The following HADHA variants were observed in gnomAD, a reference collection of about 807,000 sequenced individuals.
HADHA encodes the protein hydroxyacyl-CoA dehydrogenase trifunctional multienzyme complex subunit alpha.
A neutral mutation model predicts 91.3 loss-of-function variants in HADHA; 59 were observed. The observed-to-expected ratio is 0.65, with a 90% CI of 0.52 to 0.80. The LOEUF (loss-of-function observed/expected upper bound fraction) is 0.80, where lower values mean the gene tolerates loss of function less well. Among genes scored for constraint, HADHA ranks in the 30% least tolerant of loss-of-function variants. HADHA has a pLI of 0.00. For missense variants in HADHA, 800 were observed against 927.6 expected, an observed-to-expected ratio of 0.86 and a Z score of 1.79; for synonymous variants, 320 against 338.9, an observed-to-expected ratio of 0.94 and a Z score of 0.61.
At chr2:26,236,802 G>A (rs563758092) in intron 4 of HADHA, 53 bp downstream of exon 4, 2 of 1,409,246 alleles carry the variant, frequency 1.4e-6, no homozygotes, top group Admixed American at 1.7e-5. Flanking sequence ...TTAGGCCTAA[G>A]AAACACACTA....
intron 10 of HADHA, among the ~76,000 whole-genome samples, chr2:26,211,768 T>C (rs942503199): frequency 3.3e-5 from 5 of 152,234 alleles, no homozygotes; most frequent in South Asian, 2.1e-4. Context: ...CATCACCAAG[T>C]TGCTAGAAAA....
rs1301635728 is a variant in HADHA, at chr2:26,190,744, T to A, written c.*506A>T. 2 of 202,256 alleles carry A rather than the reference T, an allele frequency of 9.9e-6. No homozygotes were observed. The highest frequency in any genetic ancestry group is 2.4e-4 in the East Asian group (2 of 8,242). The allele number at this position is 202,256 out of a possible 1,614,324, so 12.5% of individuals were successfully genotyped here. Reference sequence around the variant, plus strand: ...GTTGAGCCCACCAGGTCCCACTTTCTCTCATCCCAGTCCCTCCCTAAGGTG... The same window carrying A: ...GTTGAGCCCACCAGGTCCCACTTTCACTCATCCCAGTCCCTCCCTAAGGTG... On this transcript the variant is annotated 3_prime_UTR_variant, in exon 20 of 20. Coordinates refer to ENST00000380649, the MANE Select transcript of HADHA (RefSeq NM_000182.5).
Position 26,221,168 on chromosome 2 carries a change from T to C in HADHA, c.677-5993A>G, listed in dbSNP as rs1173111174. Among the ~76,000 whole-genome samples the C allele has an allele frequency of 6.6e-6, 1 of 152,162 alleles. No homozygotes were observed. The highest frequency in any genetic ancestry group is 1.5e-5 in the Non-Finnish European group (1 of 68,018). ...TATTCCAGCCCATTTACTGAGTAAC[T>C]AAAAAAGCTGCTAGTTTAAGTGGGA... On this transcript the variant is annotated intron_variant, in intron 7 of 19. Transcript: ENST00000380649. This position sits in a 1 kb window ranked among gnomAD's most constrained non-coding sequence, Gnocchi z 4.8.
At chr2:26,195,266 G>A in intron 14 of HADHA, 34 bp from the exon 15 acceptor site, 2 of 1,592,144 alleles carry the variant, frequency 1.3e-6, no homozygotes, top group Non-Finnish European at 1.7e-6. Flanking sequence ...ACAGATCGGA[G>A]AATGCGGGTG....
rs146500488 is a variant in HADHA, at chr2:26,190,784, G to GCACA, written c.*462_*465dup. Reference sequence around the variant, plus strand: ...TCCCTAAGGTGCTGCCTAGAATTCTGCACACACATTCTTACTCCCCCAAAG... The same window carrying GCACA: ...TCCCTAAGGTGCTGCCTAGAATTCTGCACACACACACATTCTTACTCCCCCAAAG... On this transcript the variant is annotated 3_prime_UTR_variant, in exon 20 of 20. Coordinates refer to ENST00000380649, the MANE Select transcript of HADHA (RefSeq NM_000182.5). The GCACA allele has an allele frequency of 7.9e-6, 2 of 252,040 alleles. No homozygotes were observed. The highest frequency in any genetic ancestry group is 1.6e-5 in the Non-Finnish European group (2 of 128,588). The allele number at this position is 252,040 out of a possible 1,614,324, so 15.6% of individuals were successfully genotyped here.
intron 7 of HADHA, among the ~76,000 whole-genome samples, chr2:26,218,661 A>G (rs747920084): frequency 5.9e-5 from 9 of 152,220 alleles, no homozygotes; most frequent in Non-Finnish European, 1.2e-4. Context: ...AATGGGGAGT[A>G]TACAAAATAA....
Position 26,191,507 on chromosome 2 carries a change from G to C in HADHA, c.2122C>G (p.Leu708Val). The C allele has an allele frequency of 6.2e-7, 1 of 1,614,180 alleles. No homozygotes were observed. The highest frequency in any genetic ancestry group is 8.5e-7 in the Non-Finnish European group (1 of 1,180,036). The change falls in exon 19 of 20, where the codon CTT becomes GTT. Residue 708 changes from leucine (L) to valine (V), a missense_variant. Physicochemically the swap from Leu to Val is conservative, Grantham distance 32. Transcript: ENST00000380649. ...AEGDIGAVFG[L>V]GFPPCLGGPF... Reference sequence around the variant, plus strand: ...CCTCCCAGACAAGGCGGGAAGCCAAGCCCAAAGACGGCTCCGATGTCTCCC... The same window carrying C: ...CCTCCCAGACAAGGCGGGAAGCCAACCCCAAAGACGGCTCCGATGTCTCCC...
intron 11 of HADHA, among the ~76,000 whole-genome samples, chr2:26,206,705 C>T (rs1002823893): frequency 2.9e-4 from 44 of 152,138 alleles, no homozygotes; most frequent in Non-Finnish European, 2.6e-4. Flanking sequence ...TGGACTTATA[C>T]ACAAGATGAC....
Position 26,191,473 on chromosome 2 carries a change from C to G in HADHA, c.2146+10G>C, listed in dbSNP as rs768516891. 2 of 1,614,040 alleles carry G rather than the reference C, an allele frequency of 1.2e-6. No homozygotes were observed. Among genetic ancestry groups the G allele is most frequent in the African/African-American group, 2.7e-5 (2 of 74,916 alleles). ...TAAAGTGAGCTTCCTTCCCAACCTGCGAGACCAACCTCCCAGACAAGGCGG... is the reference window on the plus strand; with the variant it reads ...TAAAGTGAGCTTCCTTCCCAACCTGGGAGACCAACCTCCCAGACAAGGCGG... On this transcript the variant is annotated intron_variant, in intron 19 of 19. Coordinates refer to ENST00000380649, the MANE Select transcript of HADHA (RefSeq NM_000182.5).
intron 11 of HADHA, among the ~76,000 whole-genome samples, chr2:26,206,823 C>T (rs1244194856): frequency 6.6e-6 from 1 of 152,182 alleles, no homozygotes; most frequent in Non-Finnish European, 1.5e-5. Flanking sequence ...ATGTACTAAT[C>T]TACATCTCCA....
intron 13 of HADHA, 120 bp downstream of exon 13, chr2:26,201,029 G>T: frequency 1.2e-6 from 1 of 801,604 alleles, no homozygotes; most frequent in Non-Finnish European, 2.1e-6. Flanking sequence ...ACCATGCCCA[G>T]CCTTTGAATA....
rs754673524 is a variant in HADHA at position 26,215,088 on chromosome 2, T to C, written c.764A>G (p.Lys255Arg). 30 of 1,606,800 alleles carry C rather than the reference T, an allele frequency of 1.9e-5. No individual in the cohort carries two copies. In the South Asian group the frequency reaches 3.3e-4, roughly 18 times the overall value. Residue 255 changes from lysine (K) to arginine (R), a missense_variant, in exon 8 of 20, where the codon AAG (lysine) becomes AGG (arginine). By Grantham distance (26) the Lys-to-Arg change is conservative. Coordinates refer to ENST00000380649, the MANE Select transcript of HADHA (RefSeq NM_000182.5). ...TCCCTTGTCTCTCTTTGGAGAGATC[T>C]TCTTATCAGCTAGTCCTTTGGCAAA... ...ITFAKGLADK[K>R]ISPKRDKGLV...
intron 12 of HADHA, 66 bp from the exon 13 acceptor site, chr2:26,201,386 G>T: frequency 9.1e-7 from 1 of 1,098,650 alleles, no homozygotes; most frequent in Non-Finnish European, 1.4e-6. Context: ...AATGTCCATG[G>T]GCCAGAGCAC....
At chr2:26,228,195 A>G (rs2147778561) in intron 7 of HADHA, among the ~76,000 whole-genome samples, 1 of 152,076 alleles carries the variant, frequency 6.6e-6, no homozygotes, top group East Asian at 1.9e-4. Flanking sequence ...CAGTGGCACA[A>G]TCTTGGCTCA....
At chr2:26,196,788 C>T (rs148192942) in intron 14 of HADHA, among the ~76,000 whole-genome samples, 241 of 152,278 alleles carry the variant, frequency 1.6e-3, no homozygotes, top group African/African-American at 5.5e-3. Context: ...GCAACGGCAT[C>T]GCCTGTACTG....
chr2:26,230,813 T>G (rs1343463443), intron 6 of HADHA, among the ~76,000 whole-genome samples: 1 of 152,086 alleles, frequency 6.6e-6, no homozygotes, highest in African/African-American at 2.4e-5. Flanking sequence ...TTCCAGCTAC[T>G]TGGGAGGCTG....
chr2:26,235,804 C>T (rs1432461660), intron 4 of HADHA, among the ~76,000 whole-genome samples: 1 of 152,188 alleles, frequency 6.6e-6, no homozygotes, highest in Non-Finnish European at 1.5e-5. Context: ...ATTAAACTGA[C>T]ACTAAAATAT....
At chr2:26,206,107 C>A (rs574378602) in intron 11 of HADHA, among the ~76,000 whole-genome samples, 3 of 151,800 alleles carry the variant, frequency 2.0e-5, no homozygotes, top group East Asian at 3.9e-4. Context: ...TTGAAACCAG[C>A]CTGGGCAACA....
chr2:26,204,278 A>G, intron 11 of HADHA, 82 bp from the exon 12 acceptor site: 4 of 1,221,652 alleles, frequency 3.3e-6, no homozygotes, highest in East Asian at 4.6e-5. Context: ...AAGTTATTCA[A>G]TAAACCAACT....
Sources: gnomAD v4.1 joint callset for allele counts (sites outside exome capture counted in the v4.1 genomes callset) on GRCh38, gnomAD v4.1.1 for gene constraint, Gnocchi (gnomAD v3.1) non-coding constraint, MANE v1.5 for transcripts, NCBI Gene and HGNC (gene_info 2026-07-23, HGNC 2026-07-21) for gene names.